PTPRB: variants seen among roughly 807,000 people sequenced by gnomAD.
PTPRB encodes the protein protein tyrosine phosphatase receptor type B, also known as receptor-type tyrosine-protein phosphatase beta.
A neutral mutation model predicts 238.1 loss-of-function variants in PTPRB; 97 were observed. The ratio of observed to expected loss-of-function variants is 0.41; its 90% confidence interval spans 0.35 to 0.48. The LOEUF is 0.48. Among genes scored for constraint, PTPRB ranks in the 20% least tolerant of loss-of-function variants. PTPRB has a pLI of 0.30. For synonymous variants in PTPRB, 970 were observed against 995.4 expected (o/e 0.97, Z 0.48); for missense variants, 2,292 against 2,681.9 (o/e 0.85, Z 3.21).
chr12:70,521,754 A>T (rs1470427612), intron 33 of PTPRB, among the ~76,000 whole-genome samples: 1 of 152,226 alleles, frequency 6.6e-6, no homozygotes, highest in Non-Finnish European at 1.5e-5. Flanking sequence ...AGGCCCAGAG[A>T]GGCAGAGTAA....
chr12:70,536,979 G>A (rs1242407168), intron 28 of PTPRB, among the ~76,000 whole-genome samples: 1 of 152,106 alleles, frequency 6.6e-6, no homozygotes, highest in Non-Finnish European at 1.5e-5. Flanking sequence ...AAATCACCAA[G>A]AGGCTTGTCA....
In PTPRB at chr12:70,561,038, A is replaced by G. The variant is rs886659456; in HGVS notation, c.4169-104T>C. 38 of 1,169,476 alleles carry G rather than the reference A, an allele frequency of 3.2e-5. No homozygotes were observed. The Middle Eastern group carries it at 8.1e-4, about 25-fold the overall frequency. The allele number at this position is 1,169,476 out of a possible 1,614,324, so 72.4% of individuals were successfully genotyped here. ...TGTTGGGCATGTGGGTGAGTCGTAC[A>G]TATTGTAGTCAGATCTTGCCTACAT... On this transcript the variant is annotated intron_variant, in intron 16 of 33. Transcript: ENST00000334414.
intron 4 of PTPRB, among the ~76,000 whole-genome samples, chr12:70,606,929 G>A (rs1055246069): frequency 2.0e-5 from 3 of 152,168 alleles, no homozygotes; most frequent in Admixed American, 1.3e-4. Context: ...CAACTTTCAT[G>A]CTTCACATTT....
chr12:70,547,867 G>T (rs1419494301), intron 21 of PTPRB, among the ~76,000 whole-genome samples: 1 of 152,036 alleles, frequency 6.6e-6, no homozygotes, highest in Non-Finnish European at 1.5e-5. Flanking sequence ...ATATAATAAA[G>T]AAGTTTATTA....
chr12:70,562,366 C>T, intron 16 of PTPRB, among the ~76,000 whole-genome samples: 1 of 152,306 alleles, frequency 6.6e-6, no homozygotes, highest in East Asian at 1.9e-4. Flanking sequence ...GTTTGCAGCC[C>T]AGAGAGATGT....
Position 70,519,228 on chromosome 12 carries a change from T to G in PTPRB, c.*2261A>C, listed in dbSNP as rs1871422951. The G allele has an allele frequency of 6.6e-6, 1 of 152,192 alleles. No homozygotes were observed. Among genetic ancestry groups the G allele is most frequent in the Non-Finnish European group, 1.5e-5 (1 of 68,040 alleles). The allele number at this position is 152,192 out of a possible 1,614,324, so 9.4% of individuals were successfully genotyped here. On this transcript the variant is annotated 3_prime_UTR_variant, in exon 34 of 34. Transcript: ENST00000334414. ...AGAGTACGTGAGTGTTATTTACTAT[T>G]ACAGATGCATAGGTTTTTTTTATGG...
chr12:70,580,332 G>A (rs1881241928), intron 10 of PTPRB, among the ~76,000 whole-genome samples: 1 of 152,126 alleles, frequency 6.6e-6, no homozygotes. Flanking sequence ...ATATTAATTG[G>A]AGATCATTTT....
At chr12:70,572,775 T>TCAAAA (rs1377784572) in intron 11 of PTPRB, among the ~76,000 whole-genome samples, 1 of 93,932 alleles carries the variant, frequency 1.1e-5, no homozygotes, top group Non-Finnish European at 2.4e-5. Flanking sequence ...CTCCATCTCA[T>TCAAAA]AAAAAAAAAA....
At chr12:70,532,291 T>G (rs1873382683) in intron 31 of PTPRB, 121 bp from the exon 32 acceptor site, 2 of 1,258,266 alleles carry the variant, frequency 1.6e-6, no homozygotes, top group Non-Finnish European at 2.1e-6. Context: ...GATAGGAATA[T>G]TTCTTTCTCT....
Position 70,622,412 on chromosome 12 carries a change from G to A in PTPRB, c.686C>T (p.Pro229Leu). 1 of 1,612,104 alleles carries A rather than the reference G, an allele frequency of 6.2e-7. No individual in the cohort carries two copies. The highest frequency in any genetic ancestry group is 1.3e-5 in the African/African-American group (1 of 74,942). ...DTSWVLSTTQ[P>L]FSSTTEETGL... ...TACCTCTTCAGTGGTGCTGGAGAAG[G>A]GCTGAGTAGTCGACAAAACCCATGA... The change falls in exon 3 of 34, where the codon CCC becomes CTC. Residue 229 changes from proline (P) to leucine (L), a missense_variant. This residue lies in a region of PTPRB where 1,205 missense variants were observed against 1,287.8 expected (regional missense o/e 0.94). Transcript: ENST00000334414.
Position 70,571,237 on chromosome 12 carries a change from C to T in PTPRB, c.3159G>A (p.Leu1053=). ...CATTAGCTCCTGACCAAGTCACATG[C>T]AAGTCCTCAGTGCTCCTGTTGCGCA... ...LTLRNRSTED[L]HVTWSGANGD... is the part of the protein sequence containing the mutation. Residue 1053 remains leucine, a synonymous_variant, in exon 13 of 34, where the codon TTG becomes TTA. Coordinates refer to ENST00000334414, the MANE Select transcript of PTPRB (RefSeq NM_001109754.4). The T allele has an allele frequency of 6.2e-7, 1 of 1,612,064 alleles. No homozygotes were observed. Among genetic ancestry groups the T allele is most frequent in the Non-Finnish European group, 8.5e-7 (1 of 1,178,152 alleles).
intron 4 of PTPRB, among the ~76,000 whole-genome samples, chr12:70,596,653 C>T (rs1169574857): frequency 6.6e-6 from 1 of 152,070 alleles, no homozygotes; most frequent in Admixed American, 6.5e-5. Context: ...TGCAGTTTAG[C>T]AACTTTTTCA....
intron 9 of PTPRB, among the ~76,000 whole-genome samples, chr12:70,583,684 T>C (rs1881610524): frequency 6.6e-6 from 1 of 152,138 alleles, no homozygotes; most frequent in Non-Finnish European, 1.5e-5. Context: ...ATAGTTTCAA[T>C]GTGTTTGCAA....
chr12:70,580,235 T>C (rs1881232644), intron 10 of PTPRB, among the ~76,000 whole-genome samples: 1 of 152,088 alleles, frequency 6.6e-6, no homozygotes, highest in South Asian at 2.1e-4. Flanking sequence ...TCAAGAAAAA[T>C]TGTTTAGATA....
At position 70,534,988 on chromosome 12, in the gene PTPRB, C is replaced by T. The variant is rs769206458; in HGVS notation, c.6082-33G>A. On this transcript the variant is annotated intron_variant, in intron 29 of 33. Transcript: ENST00000334414. ...AGGACAGACAGAAAAAACATGAGTC[C>T]GGAAAAGTGACTCCTTGGTGAACCT... The T allele has an allele frequency of 3.4e-5, 54 of 1,588,412 alleles. 1 individual carries two copies. The South Asian group carries it at 4.8e-4, about 14-fold the overall frequency.
At chr12:70,607,029 C>A (rs964436215) in intron 4 of PTPRB, among the ~76,000 whole-genome samples, 1 of 152,170 alleles carries the variant, frequency 6.6e-6, no homozygotes, top group Non-Finnish European at 1.5e-5. Flanking sequence ...ATTGTGGATG[C>A]TGATGAAGTC....
chr12:70,543,292 ATT>A (rs1875457762), intron 22 of PTPRB, among the ~76,000 whole-genome samples: 1 of 152,216 alleles, frequency 6.6e-6, no homozygotes, highest in East Asian at 1.9e-4. Context: ...AAGATCTTAG[ATT>A]TGTTTGTTCC....
intron 21 of PTPRB, among the ~76,000 whole-genome samples, chr12:70,552,495 A>AAT (rs1555224824): frequency 7.4e-6 from 1 of 134,294 alleles, no homozygotes; most frequent in Non-Finnish European, 1.5e-5. Context: ...AAAAAAAAAA[A>AAT]AAAAATAATG....
At chr12:70,563,226 A>C in intron 15 of PTPRB, 119 bp from the exon 16 acceptor site, 1 of 1,052,702 alleles carries the variant, frequency 9.5e-7, no homozygotes, top group South Asian at 1.7e-5. Context: ...TACGGGAAAC[A>C]GTAACAATAG....
Sources: gnomAD v4.1 joint callset for allele counts (sites outside exome capture counted in the v4.1 genomes callset) on GRCh38, gnomAD v4.1.1 for gene constraint, gnomAD v4.1.1 regional missense constraint, MANE v1.5 for transcripts, NCBI Gene and HGNC (gene_info 2026-07-23, HGNC 2026-07-21) for gene names.